The following SCYL2 variants were observed in gnomAD, a reference collection of about 807,000 sequenced individuals.
SCYL2 encodes SCY1-like protein 2.
A neutral mutation model predicts 100.4 loss-of-function variants in SCYL2; 36 were observed. That is an observed-to-expected ratio of 0.36 (90% CI 0.27 to 0.47). SCYL2 has a LOEUF of 0.47. SCYL2 is among the 20% of genes least tolerant of loss of function. SCYL2 has a pLI of 1.00. For missense variants in SCYL2, 902 were observed against 1,083.9 expected (o/e 0.83, Z 2.36); for synonymous variants, 330 against 359.2 (o/e 0.92, Z 0.92).
chr12:100,279,997 G>C (rs1409205776), intron 1 of SCYL2, among the ~76,000 whole-genome samples: 2 of 152,168 alleles, frequency 1.3e-5, no homozygotes, highest in African/African-American at 4.8e-5. Context: ...TGTCCCTCCA[G>C]CTTCTCAATT....
At chr12:100,275,128 G>T (rs1304040426) in intron 1 of SCYL2, among the ~76,000 whole-genome samples, 4 of 151,766 alleles carry the variant, frequency 2.6e-5, no homozygotes, top group Admixed American at 6.6e-5. Flanking sequence ...TTTATTCATA[G>T]GTATTTCATA....
chr12:100,271,555 A>C (rs2096287741), intron 1 of SCYL2, among the ~76,000 whole-genome samples: 1 of 152,208 alleles, frequency 6.6e-6, no homozygotes, highest in Non-Finnish European at 1.5e-5. Context: ...GGATAAAGCA[A>C]ACTATTTTGA....
chr12:100,310,904 A>T, intron 4 of SCYL2, 140 bp from the exon 5 acceptor site: 1 of 717,612 alleles, frequency 1.4e-6, no homozygotes, highest in Non-Finnish European at 2.1e-6. Flanking sequence ...ATACTTTGGT[A>T]TTTATGATGA....
chr12:100,313,070 A>C (rs1220782464), intron 6 of SCYL2, among the ~76,000 whole-genome samples: 1 of 152,182 alleles, frequency 6.6e-6, no homozygotes, highest in Non-Finnish European at 1.5e-5. Context: ...TTGGGGCTGC[A>C]GTGAGCTATG....
At chr12:100,309,974 G>A (rs1314337138) in intron 4 of SCYL2, among the ~76,000 whole-genome samples, 1 of 151,862 alleles carries the variant, frequency 6.6e-6, no homozygotes, top group African/African-American at 2.4e-5. Context: ...ATGTAAAGAT[G>A]TGGATTTTCT....
Position 100,338,833 on chromosome 12 carries a change from C to T in SCYL2, c.2451C>T (p.Phe817=). ...TLGTPPTLPN[F]NALSVPPAGA... is the part of the protein sequence containing the mutation. ...GAACACCTCCCACTTTGCCAAACTT[C>T]AATGCTTTGAGTGTTCCTCCTGCTG... Residue 817 remains phenylalanine (F), a synonymous_variant, in exon 18 of 18, where the codon TTC becomes TTT. Transcript: ENST00000360820. The T allele has an allele frequency of 6.2e-7, 1 of 1,614,194 alleles. No individual in the cohort carries two copies. Among genetic ancestry groups the T allele is most frequent in the Non-Finnish European group, 8.5e-7 (1 of 1,179,998 alleles).
At chr12:100,311,552 T>C (rs1268323536) in intron 5 of SCYL2, among the ~76,000 whole-genome samples, 1 of 152,166 alleles carries the variant, frequency 6.6e-6, no homozygotes, top group Non-Finnish European at 1.5e-5. Context: ...TGGCAATAGC[T>C]AACATTCTTA....
Position 100,267,374 on chromosome 12 carries a change from G to A in SCYL2, c.-447G>A. 3.5e-6 allele frequency: 1 copy of A among 283,732 alleles called. No individual in the cohort carries two copies. Among genetic ancestry groups the A allele is most frequent in the Non-Finnish European group, 6.7e-6 (1 of 150,016 alleles). 17.6% of individuals were successfully genotyped at this position (283,732 alleles called of 1,614,324 possible). On this transcript the variant is annotated 5_prime_UTR_variant, in exon 1 of 18. Transcript: ENST00000360820. The stretch of plus-strand genomic sequence containing the variant: ...GGCGGGGGGAAAGAGCCCCAGCACC[G>A]CCCCTCCTGGAAGAAGGAAGAGGTA...
chr12:100,317,844 CA>C lies in SCYL2; in HGVS notation c.1318del (p.Thr440ProfsTer6). 1.2e-6 allele frequency: 2 copies of C among 1,607,058 alleles called. No individual in the cohort carries two copies. Among genetic ancestry groups the C allele is most frequent in the Admixed American group, 1.7e-5 (1 of 57,870 alleles). On this transcript the variant is annotated frameshift_variant, in exon 10 of 18. Coordinates refer to ENST00000360820, the MANE Select transcript of SCYL2 (RefSeq NM_017988.6). LOFTEE classifies it high-confidence loss of function. ...FLQKMDLLLTKTPPDEIKNSV... is the reference protein window; with the variant it reads ...FLQKMDLLLTXTPPDEIKNSV... The stretch of plus-strand genomic sequence containing the variant: ...TACAAAAAATGGATTTGCTACTAAC[CA>C]AAACCCCTCCTGATGAGATAAAGAA...
chr12:100,272,050 T>A (rs1172900856), intron 1 of SCYL2, among the ~76,000 whole-genome samples: 1 of 152,184 alleles, frequency 6.6e-6, no homozygotes, highest in Admixed American at 6.5e-5. Context: ...ATTCACATGC[T>A]GGTTCTATTG....
intron 4 of SCYL2, among the ~76,000 whole-genome samples, chr12:100,305,579 G>A (rs1002671129): frequency 4.6e-5 from 7 of 151,996 alleles, no homozygotes; most frequent in African/African-American, 7.2e-5. Flanking sequence ...ACATCCTAAC[G>A]TCACAATTAA....
At chr12:100,278,693 G>A (rs1320795555) in intron 1 of SCYL2, among the ~76,000 whole-genome samples, 1 of 147,548 alleles carries the variant, frequency 6.8e-6, no homozygotes, top group African/African-American at 2.5e-5. Context: ...GCAGTGGCGT[G>A]ATCTCGGCTT....
In SCYL2 at chr12:100,341,257, G is replaced by GA. The variant is rs1451805186; in HGVS notation, c.*2090dup. Reference sequence around the variant, plus strand: ...CTTTTTCTGTTGAGAAATTGCCTCTGAAAAATAGTGCTATTTTTCAGCTTA... The same window carrying GA: ...CTTTTTCTGTTGAGAAATTGCCTCTGAAAAAATAGTGCTATTTTTCAGCTTA... On this transcript the variant is annotated 3_prime_UTR_variant, in exon 18 of 18. Coordinates refer to ENST00000360820, the MANE Select transcript of SCYL2 (RefSeq NM_017988.6). 1 of 151,886 alleles carries GA rather than the reference G, an allele frequency of 6.6e-6. No individual in the cohort carries two copies. The highest frequency in any genetic ancestry group is 1.5e-5 in the Non-Finnish European group (1 of 67,940). The allele number at this position is 151,886 out of a possible 1,614,324, so 9.4% of individuals were successfully genotyped here.
intron 10 of SCYL2, among the ~76,000 whole-genome samples, chr12:100,321,541 C>T (rs187775933): frequency 1.2e-4 from 19 of 152,296 alleles, no homozygotes; most frequent in South Asian, 2.1e-4. Flanking sequence ...TACTATGGCA[C>T]CACATTAGTT....
chr12:100,290,047 C>T (rs894495211), intron 2 of SCYL2, among the ~76,000 whole-genome samples: 11 of 152,220 alleles, frequency 7.2e-5, no homozygotes, highest in Non-Finnish European at 1.5e-4. Context: ...AGTGGTGTAA[C>T]GACGTTAGCT....
intron 1 of SCYL2, among the ~76,000 whole-genome samples, chr12:100,274,311 GT>G (rs1415638772): frequency 2.6e-5 from 4 of 152,126 alleles, no homozygotes; most frequent in Non-Finnish European, 5.9e-5. Flanking sequence ...CACAGCTGGA[GT>G]TTTTTTGTCA....
intron 13 of SCYL2, among the ~76,000 whole-genome samples, chr12:100,330,437 A>G (rs981690721): frequency 6.6e-6 from 1 of 152,258 alleles, no homozygotes; most frequent in Admixed American, 6.5e-5. Context: ...ACTGGTTATT[A>G]GAGCTTATTC....
intron 3 of SCYL2, among the ~76,000 whole-genome samples, chr12:100,293,917 C>T (rs2096313671): frequency 6.6e-6 from 1 of 152,048 alleles, no homozygotes; most frequent in Admixed American, 6.5e-5. Context: ...AAAAGTCTCC[C>T]ATGTCTACTT....
intron 4 of SCYL2, among the ~76,000 whole-genome samples, chr12:100,309,879 A>G (rs955961073): frequency 3.3e-5 from 5 of 152,208 alleles, no homozygotes; most frequent in African/African-American, 7.2e-5. Flanking sequence ...ATTCCCACCA[A>G]CAGTACACAA....
Sources: gnomAD v4.1 joint callset for allele counts (sites outside exome capture counted in the v4.1 genomes callset) on GRCh38, gnomAD v4.1.1 for gene constraint, MANE v1.5 for transcripts, NCBI Gene and HGNC (gene_info 2026-07-23, HGNC 2026-07-21) for gene names.